The following COPB1 variants were observed in gnomAD, a reference collection of about 807,000 sequenced individuals.
COPB1 encodes the protein coat protein complex I subunit beta 1, also known as coatomer subunit beta.
A neutral mutation model predicts 108.7 loss-of-function variants in COPB1; 21 were observed. That is an observed-to-expected ratio of 0.19 (90% confidence interval 0.14 to 0.28). The LOEUF is 0.28. COPB1 is among the 10% of genes least tolerant of loss of function. COPB1 has a pLI of 1.00. For missense variants in COPB1, 919 were observed against 1,141.3 expected (o/e 0.81, Z 2.81); for synonymous variants, 378 against 386.8 (o/e 0.98, Z 0.27).
chr11:14,473,162 A>G (rs1850445074), intron 14 of COPB1, among the ~76,000 whole-genome samples: 1 of 151,978 alleles, frequency 6.6e-6, no homozygotes, highest in Non-Finnish European at 1.5e-5. Flanking sequence ...TTTAGTAGAG[A>G]CAGGGTTTCA....
At position 14,458,609 on chromosome 11, in the gene COPB1, C is replaced by T. The variant is rs753245734; in HGVS notation, c.2725G>A (p.Val909Ile). The change falls in exon 21 of 22, where the codon GTC (valine) becomes ATC (isoleucine). Residue 909 changes from valine (V) to isoleucine (I), a missense_variant. Coordinates refer to ENST00000439561, the MANE Select transcript of COPB1 (RefSeq NM_001144061.2). ...TGGTGAATTGGCTTCTCAATGCTGACATTTGCAAGTGCATCTTCACCAAAT... is the reference window on the plus strand; with the variant it reads ...TGGTGAATTGGCTTCTCAATGCTGATATTTGCAAGTGCATCTTCACCAAAT... ...SIFGEDALAN[V>I]SIEKPIHQGP... The T allele has an allele frequency of 6.2e-7, 1 of 1,613,848 alleles. No homozygotes were observed. Among genetic ancestry groups the T allele is most frequent in the Non-Finnish European group, 8.5e-7 (1 of 1,179,944 alleles).
chr11:14,494,309 G>A lies in COPB1; in HGVS notation c.222C>T (p.Ile74=). The change falls in exon 3 of 22, where the codon ATC becomes ATT. Residue 74 remains isoleucine, a synonymous_variant. Transcript: ENST00000439561. ...CCCAAAATACCAGAAGTAATTTCTT[G>A]ATAGTGTGATCCTGAAGAGGTAGCA... The part of the protein sequence containing the change: ...RFVLPLQDHT[I]KKLLLVFWEI... 6.2e-7 allele frequency: 1 copy of A among 1,613,702 alleles called. No homozygotes were observed. The highest frequency in any genetic ancestry group is 8.5e-7 in the Non-Finnish European group (1 of 1,179,748).
chr11:14,481,141 G>A, intron 8 of COPB1, 44 bp from the exon 9 acceptor site: 1 of 1,463,302 alleles, frequency 6.8e-7, no homozygotes, highest in East Asian at 2.3e-5. Flanking sequence ...AATCTTTCTG[G>A]TCACAGGAAA....
chr11:14,461,165 G>GA lies in COPB1; in HGVS notation c.2556+20dup, dbSNP rs756441554. 31 of 1,613,752 alleles carry GA rather than the reference G, an allele frequency of 1.9e-5. No homozygotes were observed. In the East Asian group the frequency reaches 5.1e-4, roughly 27 times the overall value. On this transcript the variant is annotated intron_variant, in intron 19 of 21. Coordinates refer to ENST00000439561, the MANE Select transcript of COPB1 (RefSeq NM_001144061.2). ...AAGGAAGAAAGATAAAGGAATATGA[G>GA]AAAATCTCCCAAGGACTAACTTTGT...
At chr11:14,465,761 GGTA>G (rs1396028006) in intron 17 of COPB1, among the ~76,000 whole-genome samples, 2 of 152,068 alleles carry the variant, frequency 1.3e-5, no homozygotes, top group Middle Eastern at 3.2e-3. Flanking sequence ...ATCTGATGGG[GGTA>G]CTGCACTGTT....
chr11:14,480,465 C>T (rs1260698122), intron 10 of COPB1, among the ~76,000 whole-genome samples: 2 of 152,124 alleles, frequency 1.3e-5, no homozygotes, highest in African/African-American at 4.8e-5. Flanking sequence ...ATTTGCCTTA[C>T]TGAATAATAT....
chr11:14,458,437 T>C (rs1476183603), intron 21 of COPB1, 95 bp downstream of exon 21: 20 of 1,222,890 alleles, frequency 1.6e-5, no homozygotes, highest in Non-Finnish European at 2.2e-5. Context: ...ATGCATCTAA[T>C]GCTAAAAAGA....
At chr11:14,468,539 G>C (rs779277046) in intron 16 of COPB1, 142 bp downstream of exon 16, 27 of 709,312 alleles carry the variant, frequency 3.8e-5, no homozygotes, top group Middle Eastern at 3.4e-4. Context: ...TACTTCATCA[G>C]CTTCTGAGTT....
At chr11:14,496,172 T>G (rs1851012561) in intron 2 of COPB1, among the ~76,000 whole-genome samples, 1 of 152,250 alleles carries the variant, frequency 6.6e-6, no homozygotes, top group Non-Finnish European at 1.5e-5. Flanking sequence ...CACTCTGCTC[T>G]GTTTAAACAA....
At chr11:14,483,850 A>G (rs1850713428) in intron 7 of COPB1, among the ~76,000 whole-genome samples, 1 of 152,246 alleles carries the variant, frequency 6.6e-6, no homozygotes, top group Non-Finnish European at 1.5e-5. Context: ...GATGGATGCT[A>G]AAATAAGTAG....
Position 14,458,653 on chromosome 11 carries a change from T to C in COPB1, c.2681A>G (p.Asn894Ser). The C allele has an allele frequency of 8.1e-6, 13 of 1,612,614 alleles. No individual in the cohort carries two copies. The highest frequency in any genetic ancestry group is 9.3e-6 in the Non-Finnish European group (11 of 1,179,448). The change falls in exon 21 of 22, where the codon AAC becomes AGC. Residue 894 changes from asparagine (N) to serine (S), a missense_variant. By Grantham distance (46) the Asn-to-Ser change is conservative (BLOSUM62 1). Around this residue, in one of 5 missense-constraint regions of COPB1, gnomAD observed 705 missense variants for 817.8 expected, o/e 0.86. Coordinates refer to ENST00000439561, the MANE Select transcript of COPB1 (RefSeq NM_001144061.2). Reference protein sequence around the residue: ...LSGYCGFMAANLYARSIFGED... With the variant: ...LSGYCGFMAASLYARSIFGED... Reference sequence around the variant, plus strand: ...ACCAAATATGGAACGAGCATAAAGGTTGGCTGCCATAAAGCCACAGTAACC... The same window carrying C: ...ACCAAATATGGAACGAGCATAAAGGCTGGCTGCCATAAAGCCACAGTAACC...
intron 2 of COPB1, among the ~76,000 whole-genome samples, chr11:14,495,149 C>T (rs577733321): frequency 6.1e-4 from 93 of 152,216 alleles, no homozygotes; most frequent in South Asian, 6.2e-4. Context: ...AAGTATTTTA[C>T]GCAAAACTAT....
intron 6 of COPB1, 78 bp from the exon 7 acceptor site, chr11:14,486,582 C>T: frequency 6.5e-7 from 1 of 1,540,662 alleles, no homozygotes. Flanking sequence ...TGAATGTCAG[C>T]TTATGGGATG....
At chr11:14,490,002 C>A (rs1215855838) in intron 5 of COPB1, among the ~76,000 whole-genome samples, 1 of 152,140 alleles carries the variant, frequency 6.6e-6, no homozygotes, top group African/African-American at 2.4e-5. Flanking sequence ...AGACTTCATG[C>A]ATATTATTTC....
chr11:14,485,355 T>TA lies in COPB1; in HGVS notation c.837+1011dup, dbSNP rs1447581620. ...TTAAAAAAAAAAGGTTCTGTACAGA[T>TA]AGAGTCTCTCTTTGTTGCCCAGGCT... On this transcript the variant is annotated intron_variant, in intron 7 of 21. Coordinates refer to ENST00000439561, the MANE Select transcript of COPB1 (RefSeq NM_001144061.2). Among the ~76,000 whole-genome samples the TA allele has an allele frequency of 6.6e-5, 10 of 152,136 alleles. No individual in the cohort carries two copies. The South Asian group carries it at 1.5e-3, about 22-fold the overall frequency.
intron 4 of COPB1, among the ~76,000 whole-genome samples, chr11:14,490,893 A>G (rs1850883617): frequency 6.6e-6 from 1 of 151,618 alleles, no homozygotes; most frequent in Non-Finnish European, 1.5e-5. Context: ...GGGTTCAAGC[A>G]ATTCTCCTGC....
chr11:14,497,243 G>A (rs1346459955), intron 2 of COPB1, among the ~76,000 whole-genome samples: 3 of 151,730 alleles, frequency 2.0e-5, no homozygotes, highest in Middle Eastern at 3.2e-3. Context: ...ATCGACATAC[G>A]TGATGAGACA....
intron 18 of COPB1, among the ~76,000 whole-genome samples, chr11:14,463,880 A>C (rs1005125988): frequency 1.3e-5 from 2 of 152,092 alleles, no homozygotes; most frequent in African/African-American, 2.4e-5. Flanking sequence ...CCTTCTCTCC[A>C]TTCCACTACT....
chr11:14,461,075 G>A lies in COPB1; in HGVS notation c.2556+111C>T, dbSNP rs1589950797. ...AAGAACAGATACTGAAAGACTATTT[G>A]CTTTTCATGTTAAACACTTTTTAGC... On this transcript the variant is annotated intron_variant, in intron 19 of 21. Coordinates refer to ENST00000439561, the MANE Select transcript of COPB1 (RefSeq NM_001144061.2). The A allele has an allele frequency of 7.5e-6, 10 of 1,333,344 alleles. No individual in the cohort carries two copies. The East Asian group carries it at 2.1e-4, about 28-fold the overall frequency. The allele number at this position is 1,333,344 out of a possible 1,614,324, so 82.6% of individuals were successfully genotyped here.
Sources: gnomAD v4.1 joint callset for allele counts (sites outside exome capture counted in the v4.1 genomes callset) on GRCh38, gnomAD v4.1.1 for gene constraint, gnomAD v4.1.1 regional missense constraint, MANE v1.5 for transcripts, NCBI Gene and HGNC (gene_info 2026-07-23, HGNC 2026-07-21) for gene names.